KSR2: variants seen among roughly 807,000 people sequenced by gnomAD.
KSR2 encodes kinase suppressor of ras 2.
Under a neutral mutation model 107.8 loss-of-function variants are expected in KSR2, and 25 were observed. The observed-to-expected ratio is 0.23, with a 90% CI of 0.17 to 0.32. The LOEUF (loss-of-function observed/expected upper bound fraction) is 0.32. KSR2 is among the 10% of genes least tolerant of loss of function. The pLI, the probability that KSR2 is intolerant of heterozygous loss-of-function variation, is 1.00. For synonymous variants in KSR2, 480 were observed against 507.0 expected (o/e 0.95, Z 0.71); for missense variants, 887 against 1,268.9 (o/e 0.70, Z 4.57).
intron 1 of KSR2, among the ~76,000 whole-genome samples, chr12:117,872,644 C>A (rs545335574): frequency 6.6e-6 from 1 of 152,266 alleles, no homozygotes; most frequent in South Asian, 2.1e-4. Flanking sequence ...GCCCAGGAAT[C>A]TGTGAAAACA....
intron 3 of KSR2, among the ~76,000 whole-genome samples, chr12:117,793,236 ACAC>A (rs1890347195): frequency 2.1e-5 from 3 of 144,180 alleles, no homozygotes; most frequent in African/African-American, 5.4e-5. Flanking sequence ...ACATGCACAC[ACAC>A]CAACCTGCAC....
chr12:117,596,618 A>G (rs552084672), intron 5 of KSR2, among the ~76,000 whole-genome samples: 13 of 152,332 alleles, frequency 8.5e-5, no homozygotes, highest in African/African-American at 3.1e-4. Context: ...TCCTGGGTAT[A>G]AACAAATTTA....
chr12:117,718,070 A>G (rs1193058883), intron 4 of KSR2, among the ~76,000 whole-genome samples: 1 of 152,198 alleles, frequency 6.6e-6, no homozygotes, highest in Non-Finnish European at 1.5e-5. Context: ...CAACAAATAC[A>G]TTTTGTGGGA....
At chr12:117,803,923 A>C (rs374394787) in intron 3 of KSR2, among the ~76,000 whole-genome samples, 2 of 152,196 alleles carry the variant, frequency 1.3e-5, no homozygotes, top group East Asian at 1.9e-4. Context: ...CTGCATCTGG[A>C]ACCTAACTCT....
At chr12:117,749,326 G>A (rs1244565292) in intron 4 of KSR2, among the ~76,000 whole-genome samples, 1 of 151,510 alleles carries the variant, frequency 6.6e-6, no homozygotes. Context: ...ATTCCTAAGT[G>A]ACTTATTTGC....
At chr12:117,766,060 C>A (rs965818664) in intron 3 of KSR2, among the ~76,000 whole-genome samples, 5 of 152,134 alleles carry the variant, frequency 3.3e-5, no homozygotes, top group African/African-American at 9.7e-5. Flanking sequence ...TAGGTACAGA[C>A]CCCAAATAAT....
chr12:117,597,676 CT>C (rs1880725404), intron 5 of KSR2, among the ~76,000 whole-genome samples: 1 of 152,200 alleles, frequency 6.6e-6, no homozygotes, highest in Admixed American at 6.5e-5. Flanking sequence ...GTTTGTGTTG[CT>C]TTCAGCCACT....
rs922125269 is a variant in KSR2, at chr12:117,730,480, C to T, written c.986+30531G>A. ...CCTCTCCCTCGTCTCCCCTCTCCCT[C>T]GTCTCCCCTCTCCCTCTCCCCCTTC... On this transcript the variant is annotated intron_variant, in intron 4 of 19. Coordinates refer to ENST00000339824, the MANE Select transcript of KSR2 (RefSeq NM_173598.6). Among the ~76,000 whole-genome samples the T allele has an allele frequency of 2.7e-5, 4 of 148,940 alleles. No individual in the cohort carries two copies. The South Asian group carries it at 8.7e-4, about 32-fold the overall frequency.
At chr12:117,668,227 G>A (rs181842394) in intron 4 of KSR2, among the ~76,000 whole-genome samples, 2 of 152,296 alleles carry the variant, frequency 1.3e-5, no homozygotes, top group East Asian at 1.9e-4. Flanking sequence ...CTAAGCCTTC[G>A]GTAGGATCAC....
intron 3 of KSR2, among the ~76,000 whole-genome samples, chr12:117,852,708 C>T (rs2137212906): frequency 1.3e-5 from 2 of 152,310 alleles, no homozygotes; most frequent in African/African-American, 4.8e-5. Context: ...ACCTCAAACG[C>T]TCACTGTCAG....
intron 4 of KSR2, among the ~76,000 whole-genome samples, chr12:117,709,376 C>G (rs1886658707): frequency 6.6e-6 from 1 of 152,142 alleles, no homozygotes; most frequent in South Asian, 2.1e-4. Context: ...CTCCATCACC[C>G]AAGCTGGAGT....
rs1489953202 is a variant in KSR2 at position 117,457,696 on chromosome 12, G to C, written c.*9503C>G. The C allele has an allele frequency of 6.6e-6, 1 of 152,188 alleles. No homozygotes were observed. Among genetic ancestry groups the C allele is most frequent in the Non-Finnish European group, 1.5e-5 (1 of 68,042 alleles). The allele number at this position is 152,188 out of a possible 1,614,324, so 9.4% of individuals were successfully genotyped here. A position where few individuals can be genotyped will look rare whatever the true frequency, so the allele number is the denominator to read the frequency against. ...GGTGTGTCTGGGGATGTTTTTGGAT[G>C]TCACCAGTACCAGGTGCTACTGGTA... On this transcript the variant is annotated 3_prime_UTR_variant, in exon 20 of 20. Coordinates refer to ENST00000339824, the MANE Select transcript of KSR2 (RefSeq NM_173598.6).
At chr12:117,751,673 T>A (rs1029315458) in intron 4 of KSR2, among the ~76,000 whole-genome samples, 1 of 152,194 alleles carries the variant, frequency 6.6e-6, no homozygotes, top group African/African-American at 2.4e-5. Flanking sequence ...CAACAGCTAT[T>A]GTCCCATAAG....
At chr12:117,690,631 A>T (rs1885775118) in intron 4 of KSR2, among the ~76,000 whole-genome samples, 1 of 152,174 alleles carries the variant, frequency 6.6e-6, no homozygotes, top group African/African-American at 2.4e-5. Flanking sequence ...AACTTGGAAA[A>T]CGAACAACTC....
chr12:117,893,120 C>A (rs1247901211), intron 1 of KSR2, among the ~76,000 whole-genome samples: 1 of 151,644 alleles, frequency 6.6e-6, no homozygotes, highest in Non-Finnish European at 1.5e-5. Context: ...CAGGCTCAAG[C>A]CATCTTCCCA....
At chr12:117,573,524 CTTTTTTTTT>C (rs35130903) in intron 7 of KSR2, among the ~76,000 whole-genome samples, 1 of 108,340 alleles carries the variant, frequency 9.2e-6, no homozygotes, top group Non-Finnish European at 1.8e-5. Flanking sequence ...CACATGTTAT[CTTTTTTTTT>C]TTTTTTTTTT....
chr12:117,708,383 T>TA (rs1265167538), intron 4 of KSR2, among the ~76,000 whole-genome samples: 1 of 152,034 alleles, frequency 6.6e-6, no homozygotes, highest in Non-Finnish European at 1.5e-5. Flanking sequence ...TTTCCCCCAC[T>TA]AGAGATGAAG....
In KSR2 at chr12:117,855,498, G is replaced by A. The variant is rs759965853; in HGVS notation, c.402C>T (p.Tyr134=). 30 of 1,613,870 alleles carry A rather than the reference G, an allele frequency of 1.9e-5. No homozygotes were observed. The highest frequency in any genetic ancestry group is 4.5e-5 in the East Asian group (2 of 44,888). ...GGGCACACTCCTCCCGGTTGGCTCC[G>A]TATTTCTCCACAGTCTCGCACACCT... ...DEQVCETVEK[Y]GANREECARL... Residue 134 remains tyrosine (Y), a synonymous_variant, in exon 3 of 20, where the codon TAC becomes TAT. Transcript: ENST00000339824.
chr12:117,838,168 G>A (rs940670321), intron 3 of KSR2, among the ~76,000 whole-genome samples: 5 of 152,158 alleles, frequency 3.3e-5, no homozygotes, highest in Non-Finnish European at 5.9e-5. Flanking sequence ...CATGCATAAC[G>A]TTTTGGGTTG....
Sources: gnomAD v4.1 joint callset for allele counts (sites outside exome capture counted in the v4.1 genomes callset) on GRCh38, gnomAD v4.1.1 for gene constraint, MANE v1.5 for transcripts, NCBI Gene and HGNC (gene_info 2026-07-23, HGNC 2026-07-21) for gene names.